BCL2L11: variants seen among roughly 807,000 people sequenced by gnomAD.
The protein encoded by BCL2L11 is bcl-2-like protein 11.
Under a neutral mutation model 20.6 loss-of-function variants are expected in BCL2L11, and 15 were observed. The ratio of observed to expected loss-of-function variants is 0.73; its 90% CI spans 0.49 to 1.12. The LOEUF (loss-of-function observed/expected upper bound fraction) is 1.12, where lower values mean the gene tolerates loss of function less well. BCL2L11 is among the 50% of genes most tolerant of loss of function. The pLI is 0.00. For missense variants in BCL2L11, 292 were observed against 260.9 expected, an observed-to-expected ratio of 1.12 and a Z score of -0.82; for synonymous variants, 108 against 92.8, an observed-to-expected ratio of 1.16 and a Z score of -0.94.
At chr2:111,130,264 C>G in intron 2 of BCL2L11, 1 of 264,626 alleles carries the variant, frequency 3.8e-6, no homozygotes, top group South Asian at 2.9e-5. Context: ...ACCACCACAC[C>G]CAGCTAATTT....
chr2:111,146,406 G>A lies in BCL2L11; in HGVS notation c.395-3638G>A, dbSNP rs58440565. ...ACCTAAGTTATCTTTTTGATAGCTC[G>A]AGTATGTTAGGATAGGAGGAATTGG... is the stretch of plus-strand genomic sequence containing the variant. On this transcript the variant is annotated intron_variant, in intron 2 of 3. Coordinates refer to ENST00000393256, the MANE Select transcript of BCL2L11 (RefSeq NM_138621.5). 1.6e-3 allele frequency: 439 copies of A among 282,890 alleles called. 4 individuals are homozygous for A. Among genetic ancestry groups the A allele is most frequent in the African/African-American group, 9.4e-3 (413 of 43,974 alleles). The allele number at this position is 282,890 out of a possible 1,614,324, so 17.5% of individuals were successfully genotyped here.
intron 2 of BCL2L11, among the ~76,000 whole-genome samples, chr2:111,145,193 A>G (rs1294394076): frequency 1.3e-5 from 2 of 152,194 alleles, no homozygotes; most frequent in African/African-American, 4.8e-5. Context: ...TGGGAACTAA[A>G]ACAGCAGCTG....
At chr2:111,123,399 C>T in intron 1 of BCL2L11, 1 of 985,472 alleles carries the variant, frequency 1.0e-6, no homozygotes, top group Non-Finnish European at 1.2e-6. Context: ...CTGGGAGTTT[C>T]TGACTTACTC....
intron 3 of BCL2L11, among the ~76,000 whole-genome samples, chr2:111,159,234 C>T (rs908995753): frequency 6.6e-6 from 1 of 152,228 alleles, no homozygotes; most frequent in Non-Finnish European, 1.5e-5. Flanking sequence ...GGCATTCCAT[C>T]TTCATGTGGG....
Position 111,123,827 on chromosome 2 carries a change from C to T in BCL2L11, c.82C>T (p.Leu28Phe), listed in dbSNP as rs766299103. 16 of 1,540,152 alleles carry T rather than the reference C, an allele frequency of 1.0e-5. No homozygotes were observed. The highest frequency in any genetic ancestry group is 2.1e-5 in the Admixed American group (1 of 47,748). ...QLQPAERPPQ[L>F]RPGAPTSLQT... ...GCAGCCTGCGGAGAGGCCTCCCCAG[C>T]TCAGACCTGGGGCCCCTACCTCCCT... The change falls in exon 2 of 4, where the codon CTC (leucine) becomes TTC (phenylalanine). Residue 28 changes from leucine to phenylalanine, a missense_variant. Leu to Phe is a conservative substitution (Grantham distance 22, BLOSUM62 0). Transcript: ENST00000393256.
At chr2:111,121,248 C>G in intron 1 of BCL2L11, 60 bp downstream of exon 1, 1 of 204,280 alleles carries the variant, frequency 4.9e-6, no homozygotes, top group Non-Finnish European at 9.9e-6. Flanking sequence ...AGCGCTGGAG[C>G]CCGAACGGCA....
chr2:111,135,952 G>A (rs1437510911), intron 2 of BCL2L11, among the ~76,000 whole-genome samples: 1 of 152,170 alleles, frequency 6.6e-6, no homozygotes, highest in African/African-American at 2.4e-5. Flanking sequence ...GCCAGGGAGG[G>A]TCTGGGAGAT....
chr2:111,146,004 A>G, intron 2 of BCL2L11: 3 of 981,590 alleles, frequency 3.1e-6, no homozygotes, highest in South Asian at 9.4e-5. Context: ...TGAGTCTGCT[A>G]CTTGCAGGAT....
At chr2:111,123,187 C>T (rs939198529) in intron 1 of BCL2L11, 1 of 985,476 alleles carries the variant, frequency 1.0e-6, no homozygotes, top group Non-Finnish European at 1.2e-6. Context: ...CCGGGCCGAG[C>T]CGCGCTGGAG....
chr2:111,166,322 C>T lies in BCL2L11; in HGVS notation c.*2091C>T, dbSNP rs1342342658. The T allele has an allele frequency of 6.5e-6, 1 of 152,722 alleles. No individual in the cohort carries two copies. Among genetic ancestry groups the T allele is most frequent in the Non-Finnish European group, 1.5e-5 (1 of 68,052 alleles). 9.5% of individuals were successfully genotyped at this position (152,722 alleles called of 1,614,324 possible). ...GCACGGGAGGCCCTGCCCTGTGCTGCCCAGGGGCTGTGTGCACCACATGAG... is the reference window on the plus strand; with the variant it reads ...GCACGGGAGGCCCTGCCCTGTGCTGTCCAGGGGCTGTGTGCACCACATGAG... On this transcript the variant is annotated 3_prime_UTR_variant, in exon 4 of 4. Coordinates refer to ENST00000393256, the MANE Select transcript of BCL2L11 (RefSeq NM_138621.5).
intron 2 of BCL2L11, among the ~76,000 whole-genome samples, chr2:111,129,415 A>G (rs1345819401): frequency 6.6e-6 from 1 of 152,238 alleles, no homozygotes; most frequent in East Asian, 1.9e-4. Context: ...ATTGTTAGTT[A>G]CCCAATTTTA....
intron 2 of BCL2L11, among the ~76,000 whole-genome samples, chr2:111,143,735 A>C (rs750444598): frequency 1.5e-4 from 23 of 152,286 alleles, no homozygotes; most frequent in Non-Finnish European, 2.5e-4. Flanking sequence ...TATAGGGATC[A>C]CAGCTCAGTC....
chr2:111,163,710 A>G (rs530104556), intron 3 of BCL2L11, among the ~76,000 whole-genome samples: 1 of 152,284 alleles, frequency 6.6e-6, no homozygotes, highest in South Asian at 2.1e-4. Context: ...CTTAGGGCAG[A>G]TTACTCCAAA....
chr2:111,158,110 C>T (rs569788303), intron 3 of BCL2L11, among the ~76,000 whole-genome samples: 2 of 152,338 alleles, frequency 1.3e-5, no homozygotes, highest in Admixed American at 1.3e-4. Flanking sequence ...AGCTCAGCTG[C>T]CGTTTGACTG....
intron 1 of BCL2L11, chr2:111,123,121 G>A (rs2071554718): frequency 2.0e-6 from 2 of 982,614 alleles, no homozygotes; most frequent in South Asian, 9.4e-5. Flanking sequence ...CTGATTCGGT[G>A]CGGCGTGCGG....
At chr2:111,128,383 G>A (rs2073135157) in intron 2 of BCL2L11, among the ~76,000 whole-genome samples, 1 of 152,102 alleles carries the variant, frequency 6.6e-6, no homozygotes, top group South Asian at 2.1e-4. Flanking sequence ...TGGCTATTGT[G>A]AGTAGTGCTG....
In BCL2L11 at chr2:111,148,718, C is replaced by G. The variant is rs546281964; in HGVS notation, c.395-1326C>G. ...ACTCTGGAGGGGATCGGTGTGTGTC[C>G]CTCTTACCCCACTGCCACCCCCACA... On this transcript the variant is annotated intron_variant, in intron 2 of 3. Transcript: ENST00000393256. 2.0e-5 allele frequency among the ~76,000 whole-genome samples: 3 copies of G among 152,224 alleles called. No homozygotes were observed. The South Asian group carries it at 6.2e-4, about 32-fold the overall frequency.
At chr2:111,161,313 T>G in intron 3 of BCL2L11, 2 of 1,363,040 alleles carry the variant, frequency 1.5e-6, no homozygotes, top group Non-Finnish European at 2.0e-6. Context: ...ATTGTATTTA[T>G]TTTAATAGTT....
At position 111,147,346 on chromosome 2, in the gene BCL2L11, TCACACACACA is replaced by T. The variant is rs70962921; in HGVS notation, c.395-2662_395-2653del. Among the ~76,000 whole-genome samples the T allele has an allele frequency of 2.2e-3, 300 of 137,408 alleles. 1 individual carries two copies. The highest frequency in any genetic ancestry group is 0.013 in the South Asian group (56 of 4,190). The allele number at this position is 137,408 out of a possible 152,430, so 90.1% of individuals were successfully genotyped here. ...TCCTGTATCTCTCTCTCTCTCTCTCTCACACACACACACACACACACACACACACACACAC... is the reference window on the plus strand; with the variant it reads ...TCCTGTATCTCTCTCTCTCTCTCTCTCACACACACACACACACACACACAC... On this transcript the variant is annotated intron_variant, in intron 2 of 3. Coordinates refer to ENST00000393256, the MANE Select transcript of BCL2L11 (RefSeq NM_138621.5).
Sources: gnomAD v4.1 joint callset for allele counts (sites outside exome capture counted in the v4.1 genomes callset) on GRCh38, gnomAD v4.1.1 for gene constraint, MANE v1.5 for transcripts, NCBI Gene and HGNC (gene_info 2026-07-23, HGNC 2026-07-21) for gene names.